Variants in DBX2 observed in about 807,000 individuals in gnomAD.
The protein encoded by DBX2 is homeobox protein DBX2.
A neutral mutation model predicts 17.7 loss-of-function variants in DBX2; 16 were observed. The observed-to-expected ratio is 0.90, with a 90% CI of 0.61 to 1.37. The LOEUF (loss-of-function observed/expected upper bound fraction) is 1.37. DBX2 is among the 40% of genes most tolerant of loss of function. The pLI is 0.00. For synonymous variants in DBX2, 255 were observed against 183.8 expected (o/e 1.39, Z -3.13); for missense variants, 538 against 433.8 (o/e 1.24, Z -2.13).
rs940187028 is a variant in DBX2, at chr12:45,050,684, G to T, written c.244C>A (p.Pro82Thr). The T allele has an allele frequency of 1.3e-6, 2 of 1,542,070 alleles. No homozygotes were observed. Among genetic ancestry groups the T allele is most frequent in the Non-Finnish European group, 1.7e-6 (2 of 1,143,746 alleles). The change falls in exon 1 of 4, where the codon CCC becomes ACC. Residue 82 changes from proline to threonine, a missense_variant. By Grantham distance (38) the Pro-to-Thr change is conservative. Transcript: ENST00000332700. ...QLRPLPASPV[P>T]LKLCPAAEQV... is the part of the protein sequence containing the mutation. Reference sequence around the variant, plus strand: ...TCGGCTGCGGGGCACAGCTTTAGGGGAACTGGGCTAGCAGGCAGGGGCCGG... The same window carrying T: ...TCGGCTGCGGGGCACAGCTTTAGGGTAACTGGGCTAGCAGGCAGGGGCCGG...
intron 2 of DBX2, among the ~76,000 whole-genome samples, chr12:45,026,742 G>A (rs953954184): frequency 2.0e-5 from 3 of 152,258 alleles, no homozygotes; most frequent in South Asian, 2.1e-4. Flanking sequence ...CAAAACGAAC[G>A]AATAACTTCT....
At chr12:45,040,029 TTGAAGGA>T (rs1388777165) in intron 1 of DBX2, among the ~76,000 whole-genome samples, 1 of 152,170 alleles carries the variant, frequency 6.6e-6, no homozygotes, top group Non-Finnish European at 1.5e-5. Flanking sequence ...CTTGATTAGA[TTGAAGGA>T]TGCAAAGTAC....
At chr12:45,038,463 T>A (rs1409734787) in intron 1 of DBX2, among the ~76,000 whole-genome samples, 1 of 151,630 alleles carries the variant, frequency 6.6e-6, no homozygotes, top group Non-Finnish European at 1.5e-5. Flanking sequence ...GTGATCATAC[T>A]ACTGATATCA....
intron 1 of DBX2, among the ~76,000 whole-genome samples, chr12:45,048,768 G>A (rs1946513772): frequency 6.6e-6 from 1 of 152,046 alleles, no homozygotes; most frequent in African/African-American, 2.4e-5. Flanking sequence ...AAAAACAAAG[G>A]TTGTTTGTTC....
At chr12:45,047,381 T>A (rs1174408082) in intron 1 of DBX2, among the ~76,000 whole-genome samples, 1 of 152,116 alleles carries the variant, frequency 6.6e-6, no homozygotes, top group East Asian at 1.9e-4. Context: ...GAGAACCTAT[T>A]TCCTACCCAA....
intron 2 of DBX2, among the ~76,000 whole-genome samples, chr12:45,027,137 G>C (rs191891166): frequency 1.3e-5 from 2 of 152,242 alleles, no homozygotes; most frequent in South Asian, 2.1e-4. Context: ...CAAGTTATTT[G>C]GTCTCTTCCA....
At chr12:45,030,626 C>T (rs945583653) in intron 2 of DBX2, among the ~76,000 whole-genome samples, 7 of 152,254 alleles carry the variant, frequency 4.6e-5, no homozygotes, top group Admixed American at 4.6e-4. Context: ...CTGAGGTAGG[C>T]CAAGGCGTGC....
chr12:45,048,744 A>G (rs971028619), intron 1 of DBX2, among the ~76,000 whole-genome samples: 9 of 152,208 alleles, frequency 5.9e-5, no homozygotes, highest in African/African-American at 2.2e-4. Flanking sequence ...TTTCTTTACA[A>G]GAATAATTTG....
intron 2 of DBX2, among the ~76,000 whole-genome samples, chr12:45,027,707 T>A (rs757043757): frequency 2.6e-5 from 4 of 152,222 alleles, no homozygotes; most frequent in African/African-American, 4.8e-5. Flanking sequence ...AGAATTGTGT[T>A]ATTGCATTGT....
intron 2 of DBX2, among the ~76,000 whole-genome samples, chr12:45,029,228 C>T (rs1194273731): frequency 2.0e-5 from 3 of 152,118 alleles, no homozygotes; most frequent in African/African-American, 7.2e-5. Context: ...GCTTTAAAAG[C>T]TGGAGCCACC....
chr12:45,016,344 A>T lies in DBX2; in HGVS notation c.962T>A (p.Leu321Ter). ...PPEANSLQGA[L>*]YLCSEEEAGS... ...AGCTTCTTCTTCAGAACATAAATAT[A>T]AGGCACCTTGCAGTGAATTTGCTTC... Residue 321 changes from leucine (L) to a stop codon, truncating the protein, a stop_gained, in exon 4 of 4, where the codon TTA (leucine) becomes TAA (stop). Coordinates refer to ENST00000332700, the MANE Select transcript of DBX2 (RefSeq NM_001004329.3). LOFTEE classifies it low-confidence loss of function (END_TRUNC). 6.2e-7 allele frequency: 1 copy of T among 1,610,222 alleles called. No individual in the cohort carries two copies. Among genetic ancestry groups the T allele is most frequent in the Non-Finnish European group, 8.5e-7 (1 of 1,178,554 alleles).
In DBX2 at chr12:45,050,462, T is replaced by C. The variant is rs946713845; in HGVS notation, c.403+63A>G. 113 of 1,532,646 alleles carry C rather than the reference T, an allele frequency of 7.4e-5. No individual in the cohort carries two copies. In the East Asian group the frequency reaches 2.3e-3, roughly 32 times the overall value. 94.9% of individuals were successfully genotyped at this position (1,532,646 alleles called of 1,614,324 possible). A position where few individuals can be genotyped will look rare whatever the true frequency, so the allele number is the denominator to read the frequency against. ...AGTGCGCACCGCCGGCGCTCCCAGA[T>C]CCCTGGACCACCCGGCCTGGGGGCG... On this transcript the variant is annotated intron_variant, in intron 1 of 3. Coordinates refer to ENST00000332700, the MANE Select transcript of DBX2 (RefSeq NM_001004329.3).
chr12:45,045,871 T>TG (rs1565587138), intron 1 of DBX2, among the ~76,000 whole-genome samples: 1 of 152,204 alleles, frequency 6.6e-6, no homozygotes, highest in Admixed American at 6.5e-5. Context: ...AATTCTACGT[T>TG]TAATTCTATG....
chr12:45,025,167 C>T (rs143185938), intron 2 of DBX2, among the ~76,000 whole-genome samples: 7 of 152,264 alleles, frequency 4.6e-5, no homozygotes, highest in East Asian at 1.9e-4. Context: ...AGATGAAGAG[C>T]GTATCTTGTA....
At chr12:45,018,788 T>C (rs917126175) in intron 3 of DBX2, among the ~76,000 whole-genome samples, 2 of 152,008 alleles carry the variant, frequency 1.3e-5, no homozygotes, top group African/African-American at 4.8e-5. Flanking sequence ...GGTATATACA[T>C]ACAAAGGAAT....
chr12:45,037,713 C>G (rs1946448110), intron 1 of DBX2, among the ~76,000 whole-genome samples: 2 of 151,980 alleles, frequency 1.3e-5, no homozygotes, highest in Non-Finnish European at 2.9e-5. Flanking sequence ...TTCACAATTT[C>G]TTTGAAGGAT....
intron 1 of DBX2, among the ~76,000 whole-genome samples, chr12:45,050,308 G>A (rs1221564884): frequency 6.6e-6 from 1 of 152,206 alleles, no homozygotes; most frequent in African/African-American, 2.4e-5. Flanking sequence ...GGTGGAATGG[G>A]ATGGGATGGG....
At position 45,016,446 on chromosome 12, in the gene DBX2, G is replaced by C. The variant is rs753569578; in HGVS notation, c.860C>G (p.Ser287Ter). 3.1e-6 allele frequency: 5 copies of C among 1,614,034 alleles called. No homozygotes were observed. The highest frequency in any genetic ancestry group is 1.7e-5 in the Admixed American group (1 of 60,006). Residue 287 changes from serine (S) to a stop codon, truncating the protein, a stop_gained, in exon 4 of 4, where the codon TCA (serine) becomes TGA (stop). Coordinates refer to ENST00000332700, the MANE Select transcript of DBX2 (RefSeq NM_001004329.3). LOFTEE classifies it low-confidence loss of function (END_TRUNC). The part of the protein sequence containing the change: ...PSIWDVPQQH[S>*]SPRWRENSPE... ...AGAATTCTCCCTCCATCTTGGACTT[G>C]AGTGCTGTTGGGGGACGTCCCATAT...
chr12:45,031,213 TGTGTGTGTGTGTGAGAGAGAGA>T (rs922755020), intron 2 of DBX2, among the ~76,000 whole-genome samples: 3 of 94,116 alleles, frequency 3.2e-5, no homozygotes, highest in African/African-American at 8.4e-5. Context: ...TGTGTGTGTG[TGTGTGTGTGTGTGAGAGAGAGA>T]GAGAGAGAGA....
Sources: gnomAD v4.1 joint callset for allele counts (sites outside exome capture counted in the v4.1 genomes callset) on GRCh38, gnomAD v4.1.1 for gene constraint, MANE v1.5 for transcripts, NCBI Gene and HGNC (gene_info 2026-07-23, HGNC 2026-07-21) for gene names.